The following ESRRG variants were observed in gnomAD, a reference collection of about 807,000 sequenced individuals.
The protein encoded by ESRRG is estrogen-related receptor gamma.
ESRRG carries 13 observed loss-of-function variants against 44.0 expected under a neutral mutation model. The observed-to-expected ratio is 0.30, with a 90% confidence interval of 0.19 to 0.47. ESRRG has a LOEUF of 0.47. ESRRG is among the 20% of genes least tolerant of loss of function. The probability of loss-of-function intolerance (pLI) is 1.00; values close to 1 mark genes in which losing one functional copy is unlikely to be tolerated. For synonymous variants in ESRRG, 215 were observed against 214.6 expected, an observed-to-expected ratio of 1.00 and a Z score of -0.02; for missense variants, 395 against 580.6, an observed-to-expected ratio of 0.68 and a Z score of 3.29.
At chr1:216,912,933 C>T (rs2060645353) in intron 2 of ESRRG, among the ~76,000 whole-genome samples, 1 of 151,552 alleles carries the variant, frequency 6.6e-6, no homozygotes, top group Admixed American at 6.6e-5. Flanking sequence ...AACAGCCTGG[C>T]CAACATGATG....
chr1:216,517,563 A>G (rs552248210), intron 6 of ESRRG, among the ~76,000 whole-genome samples: 23 of 152,348 alleles, frequency 1.5e-4, no homozygotes, highest in African/African-American at 4.8e-4. Flanking sequence ...TTTAAAAACA[A>G]TTAACCAAGT....
intron 5 of ESRRG, among the ~76,000 whole-genome samples, chr1:216,557,875 A>G (rs541045617): frequency 6.8e-4 from 104 of 152,288 alleles, no homozygotes; most frequent in African/African-American, 2.4e-3. Flanking sequence ...TCAAATACTT[A>G]AATTGCATTC....
chr1:216,953,411 A>G (rs1253746799), intron 1 of ESRRG, among the ~76,000 whole-genome samples: 1 of 152,144 alleles, frequency 6.6e-6, no homozygotes, highest in African/African-American at 2.4e-5. Flanking sequence ...GCAATAGAGC[A>G]AAGTTTTAAA....
At chr1:216,578,359 C>T (rs2062075133) in intron 3 of ESRRG, among the ~76,000 whole-genome samples, 2 of 151,638 alleles carry the variant, frequency 1.3e-5, no homozygotes, top group African/African-American at 4.8e-5. Context: ...TAAAAGAAGC[C>T]CCAAATATTA....
intron 2 of ESRRG, among the ~76,000 whole-genome samples, chr1:216,921,054 C>T (rs1390801061): frequency 6.6e-6 from 1 of 152,156 alleles, no homozygotes; most frequent in African/African-American, 2.4e-5. Context: ...GGAAACTAAA[C>T]TTAATGATGC....
At chr1:217,063,741 G>A (rs1486465664) in intron 1 of ESRRG, among the ~76,000 whole-genome samples, 2 of 152,168 alleles carry the variant, frequency 1.3e-5, no homozygotes, top group African/African-American at 4.8e-5. Flanking sequence ...AGAATCATAA[G>A]AGGTGTTTCT....
intron 2 of ESRRG, among the ~76,000 whole-genome samples, chr1:216,808,719 T>A (rs541653961): frequency 6.6e-6 from 1 of 152,240 alleles, no homozygotes; most frequent in East Asian, 1.9e-4. Flanking sequence ...CCACCATGCC[T>A]GGCCTGAATA....
At chr1:216,759,567 G>C (rs534057541) in intron 2 of ESRRG, among the ~76,000 whole-genome samples, 2 of 152,160 alleles carry the variant, frequency 1.3e-5, no homozygotes, top group South Asian at 4.2e-4. Context: ...AAAACCAAAA[G>C]ATATTGGAAG....
chr1:217,024,832 G>A (rs934749530), intron 1 of ESRRG, among the ~76,000 whole-genome samples: 9 of 152,258 alleles, frequency 5.9e-5, no homozygotes, highest in South Asian at 4.2e-4. Flanking sequence ...TATTGTCTGC[G>A]TTTTATTATA....
intron 1 of ESRRG, among the ~76,000 whole-genome samples, chr1:216,686,944 G>A (rs370999920): frequency 3.3e-5 from 5 of 152,066 alleles, no homozygotes; most frequent in Admixed American, 1.3e-4. Context: ...CTATTGCACC[G>A]AGGAGCACTC....
At chr1:216,698,590 C>T (rs2080753205) in intron 1 of ESRRG, among the ~76,000 whole-genome samples, 1 of 150,862 alleles carries the variant, frequency 6.6e-6, no homozygotes, top group African/African-American at 2.4e-5. Flanking sequence ...AAACTCTGCT[C>T]ATAACTAAGC....
At chr1:216,773,887 T>C (rs764373008) in intron 2 of ESRRG, among the ~76,000 whole-genome samples, 1 of 152,100 alleles carries the variant, frequency 6.6e-6, no homozygotes, top group Non-Finnish European at 1.5e-5. Context: ...AGTCACAATA[T>C]GCCCAAGGAC....
chr1:217,107,971 G>C (rs1323304264), intron 1 of ESRRG, among the ~76,000 whole-genome samples: 1 of 151,580 alleles, frequency 6.6e-6, no homozygotes, highest in African/African-American at 2.4e-5. Flanking sequence ...TCTATTTAAA[G>C]CATGTCATTC....
chr1:217,003,581 G>A (rs200246784), intron 1 of ESRRG, among the ~76,000 whole-genome samples: 17,482 of 107,814 alleles, frequency 0.16, 1,708 homozygotes, highest in African/African-American at 0.35. Flanking sequence ...TAATTAATAA[G>A]TATTAATATT....
intron 1 of ESRRG, among the ~76,000 whole-genome samples, chr1:217,118,522 A>G (rs1191780247): frequency 6.6e-6 from 1 of 152,240 alleles, no homozygotes; most frequent in Non-Finnish European, 1.5e-5. Flanking sequence ...CTGTGGGTTC[A>G]TTCAAGTAAG....
intron 1 of ESRRG, among the ~76,000 whole-genome samples, chr1:217,066,835 G>A (rs1418066284): frequency 2.0e-5 from 3 of 152,276 alleles, no homozygotes; most frequent in East Asian, 1.9e-4. Context: ...GTCTTTGGGG[G>A]ACAAAATTGC....
chr1:216,710,325 G>C (rs2083337580), intron 1 of ESRRG, among the ~76,000 whole-genome samples: 1 of 152,156 alleles, frequency 6.6e-6, no homozygotes, highest in East Asian at 1.9e-4. Flanking sequence ...AAAAGCTACT[G>C]TACAGAGCTG....
At chr1:216,946,289 A>G (rs2066046008) in intron 1 of ESRRG, among the ~76,000 whole-genome samples, 2 of 152,212 alleles carry the variant, frequency 1.3e-5, no homozygotes, top group East Asian at 3.9e-4. Flanking sequence ...CAGGCACCTC[A>G]TAGGAAATTC....
intron 2 of ESRRG, among the ~76,000 whole-genome samples, chr1:216,848,971 C>T (rs918342582): frequency 2.6e-5 from 4 of 152,036 alleles, no homozygotes; most frequent in South Asian, 2.1e-4. Context: ...TTTATGAGGA[C>T]GAAATGCCTT....
Sources: gnomAD v4.1 joint callset for allele counts (sites outside exome capture counted in the v4.1 genomes callset) on GRCh38, gnomAD v4.1.1 for gene constraint, MANE v1.5 for transcripts, NCBI Gene and HGNC (gene_info 2026-07-23, HGNC 2026-07-21) for gene names.